The following DLG2 variants were observed in gnomAD, a reference collection of about 807,000 sequenced individuals.
The protein encoded by DLG2 is disks large homolog 2.
DLG2 carries 45 observed loss-of-function variants against 132.5 expected under a neutral mutation model. That is an observed-to-expected ratio of 0.34 (90% CI 0.27 to 0.44). The LOEUF is 0.44. Ranked by LOEUF, DLG2 falls within the 20% of genes least tolerant of loss-of-function variation. The pLI is 1.00. For synonymous variants in DLG2, 424 were observed against 419.6 expected (o/e 1.01, Z -0.13); for missense variants, 1,045 against 1,196.9 (o/e 0.87, Z 1.87).
At chr11:84,482,384 T>A (rs1276943396) in intron 7 of DLG2, among the ~76,000 whole-genome samples, 1 of 152,190 alleles carries the variant, frequency 6.6e-6, no homozygotes, top group Non-Finnish European at 1.5e-5. Context: ...GCAAAACAAC[T>A]AGTTAGAAAT....
At chr11:84,137,304 T>A (rs1444407355) in intron 9 of DLG2, among the ~76,000 whole-genome samples, 1 of 152,138 alleles carries the variant, frequency 6.6e-6, no homozygotes, top group African/African-American at 2.4e-5. Context: ...CTGGACTTTT[T>A]AAAACTCACA....
chr11:84,361,875 C>T (rs1171709817), intron 7 of DLG2, among the ~76,000 whole-genome samples: 3 of 151,574 alleles, frequency 2.0e-5, no homozygotes, highest in African/African-American at 7.3e-5. Flanking sequence ...TTGTATAAAC[C>T]CTAGTGAAAC....
chr11:83,992,134 A>G (rs2093753390), intron 11 of DLG2, among the ~76,000 whole-genome samples: 1 of 152,208 alleles, frequency 6.6e-6, no homozygotes, highest in Admixed American at 6.6e-5. Context: ...CAGTAGAACT[A>G]ACCTGTGCCA....
chr11:83,791,371 C>A (rs572762504), intron 17 of DLG2: 2 of 680,010 alleles, frequency 2.9e-6, no homozygotes, highest in Non-Finnish European at 5.3e-6. Context: ...GCTTTTTGAT[C>A]TGTCTTTTTT....
chr11:84,677,614 T>G (rs2099716642), intron 6 of DLG2, among the ~76,000 whole-genome samples: 1 of 152,088 alleles, frequency 6.6e-6, no homozygotes, highest in Admixed American at 6.6e-5. Context: ...CTGAGTATAG[T>G]GGCTTATGCC....
intron 15 of DLG2, among the ~76,000 whole-genome samples, chr11:83,909,977 C>A (rs1223674187): frequency 6.6e-6 from 1 of 152,168 alleles, no homozygotes; most frequent in East Asian, 1.9e-4. Context: ...ATTAAATTTG[C>A]TATCTGAAGA....
At chr11:84,437,090 T>C (rs1167221930) in intron 7 of DLG2, among the ~76,000 whole-genome samples, 1 of 152,196 alleles carries the variant, frequency 6.6e-6, no homozygotes. Flanking sequence ...AGCTGCTCAA[T>C]TGCTTTCATC....
chr11:83,984,576 T>A (rs959009047), intron 11 of DLG2, among the ~76,000 whole-genome samples: 1 of 152,162 alleles, frequency 6.6e-6, no homozygotes, highest in Admixed American at 6.6e-5. Context: ...CCTCATTCAT[T>A]TATTCATTCA....
intron 8 of DLG2, among the ~76,000 whole-genome samples, chr11:84,192,184 T>G (rs773315977): frequency 1.2e-4 from 19 of 152,194 alleles, no homozygotes; most frequent in Non-Finnish European, 2.2e-4. Context: ...ATAAGGTAGA[T>G]TATAAGGAGA....
chr11:84,396,982 T>A lies in DLG2; in HGVS notation c.519+137588A>T, dbSNP rs1211571291. Among the ~76,000 whole-genome samples, 3 of 152,330 alleles carry A rather than the reference T, an allele frequency of 2.0e-5. No homozygotes were observed. The East Asian group carries it at 5.8e-4, about 29-fold the overall frequency. On this transcript the variant is annotated intron_variant, in intron 7 of 27. Transcript: ENST00000376104. Reference sequence around the variant, plus strand: ...ATAGTAAATGTCACGTGCATGAATGTCCTTTATCCTGTATTTATTCATAAA... The same window carrying A: ...ATAGTAAATGTCACGTGCATGAATGACCTTTATCCTGTATTTATTCATAAA...
intron 7 of DLG2, among the ~76,000 whole-genome samples, chr11:84,427,821 A>G (rs1470673317): frequency 6.6e-6 from 1 of 152,058 alleles, no homozygotes; most frequent in Non-Finnish European, 1.5e-5. Context: ...GGACCTCAAT[A>G]CCTCTAACAG....
At chr11:85,026,667 C>T (rs929797929) in intron 6 of DLG2, among the ~76,000 whole-genome samples, 4 of 152,014 alleles carry the variant, frequency 2.6e-5, no homozygotes, top group African/African-American at 9.7e-5. Flanking sequence ...GAAACCCCAT[C>T]TCTACTAAAA....
rs372120267 is a variant in DLG2, at chr11:84,250,040, C to A, written c.573+1198G>T. The stretch of plus-strand genomic sequence containing the variant: ...AGGACCGCCAGAACCTGCTCAGGAC[C>A]GCCAGTTCTTTTGAGGTATTTGAGG... On this transcript the variant is annotated intron_variant, in intron 8 of 27. Coordinates refer to ENST00000376104, the MANE Select transcript of DLG2 (RefSeq NM_001142699.3). Among the ~76,000 whole-genome samples the A allele has an allele frequency of 3.9e-5, 6 of 152,136 alleles. No individual in the cohort carries two copies. In the East Asian group the frequency reaches 7.7e-4, roughly 20 times the overall value.
intron 18 of DLG2, among the ~76,000 whole-genome samples, chr11:83,686,261 T>C (rs536656627): frequency 3.2e-4 from 48 of 152,258 alleles, no homozygotes; most frequent in Non-Finnish European, 4.9e-4. Context: ...TCTGCTCAAG[T>C]GTCTCCTTGG....
intron 19 of DLG2, among the ~76,000 whole-genome samples, chr11:83,551,381 G>T (rs1565762703): frequency 6.6e-6 from 1 of 152,128 alleles, no homozygotes; most frequent in Non-Finnish European, 1.5e-5. Context: ...AGCTAGTACG[G>T]TCCCTAGCTC....
intron 15 of DLG2, among the ~76,000 whole-genome samples, chr11:83,900,561 AG>A (rs2073130024): frequency 6.6e-6 from 1 of 152,206 alleles, no homozygotes; most frequent in South Asian, 2.1e-4. Context: ...GTGGCTTCTG[AG>A]GGTGCAAGCC....
At chr11:83,894,423 C>T (rs1216044877) in intron 15 of DLG2, among the ~76,000 whole-genome samples, 1 of 152,006 alleles carries the variant, frequency 6.6e-6, no homozygotes, top group African/African-American at 2.4e-5. Flanking sequence ...GTTTACAGAG[C>T]CCCAAGGAAA....
chr11:85,085,067 G>T (rs1566816814), intron 6 of DLG2, among the ~76,000 whole-genome samples: 1 of 152,006 alleles, frequency 6.6e-6, no homozygotes, highest in Non-Finnish European at 1.5e-5. Flanking sequence ...TTCTGATTCT[G>T]TTGGTTATTT....
intron 7 of DLG2, among the ~76,000 whole-genome samples, chr11:84,334,461 A>G (rs547039260): frequency 5.2e-4 from 79 of 152,306 alleles, no homozygotes; most frequent in South Asian, 1.5e-3. Context: ...GTGACATATT[A>G]CAAGTTTTCT....
Sources: gnomAD v4.1 joint callset for allele counts (sites outside exome capture counted in the v4.1 genomes callset) on GRCh38, gnomAD v4.1.1 for gene constraint, MANE v1.5 for transcripts, NCBI Gene and HGNC (gene_info 2026-07-23, HGNC 2026-07-21) for gene names.